The following RTL4 variants were observed in gnomAD, a reference collection of about 807,000 sequenced individuals.
RTL4 encodes the protein retrotransposon Gag-like protein 4.
In RTL4, 4 loss-of-function variants were observed where a neutral mutation model predicts 5.3. The observed-to-expected ratio is 0.75, with a 90% CI of 0.37 to 1.72. RTL4 has a LOEUF of 1.72. Ranked by LOEUF, RTL4 falls within the 40% of genes most tolerant of loss-of-function variation. The pLI is 0.04. For missense variants in RTL4, 260 were observed against 227.1 expected (o/e 1.14, Z -0.93); for synonymous variants, 98 against 87.3 (o/e 1.12, Z -0.68).
At chrX:112,304,044 A>G in the RTL4 span, among the ~76,000 whole-genome samples, 3 of 109,768 alleles carry the variant, frequency 2.7e-5, no homozygotes, top group Admixed American at 9.8e-5. Flanking sequence ...CTCTTTTTTG[A>G]GCGTGGCCAT....
the RTL4 span, among the ~76,000 whole-genome samples, chrX:112,299,177 T>C: frequency 9.0e-6 from 1 of 111,625 alleles, no homozygotes; most frequent in Admixed American, 9.5e-5. Context: ...GCAAATGCGC[T>C]GAGCTATTGA....
the RTL4 span, among the ~76,000 whole-genome samples, chrX:112,238,952 C>T: frequency 8.9e-6 from 1 of 111,977 alleles, no homozygotes; most frequent in Admixed American, 9.5e-5. Context: ...TCTTCTGCCA[C>T]AGCCTCCCAT....
the RTL4 span, among the ~76,000 whole-genome samples, chrX:112,350,712 A>T: frequency 9.0e-6 from 1 of 110,770 alleles, no homozygotes; most frequent in Non-Finnish European, 1.9e-5. Flanking sequence ...CGGTGGTGAT[A>T]TCCCCTTTGT....
the RTL4 span, among the ~76,000 whole-genome samples, chrX:112,262,517 T>C: frequency 2.7e-5 from 3 of 111,940 alleles, no homozygotes; most frequent in African/African-American, 9.7e-5. Context: ...CCAGTTACAA[T>C]GGCGATTATT....
the RTL4 span, among the ~76,000 whole-genome samples, chrX:112,358,433 A>AT: frequency 1.8e-5 from 2 of 111,591 alleles, no homozygotes; most frequent in South Asian, 7.5e-4. Context: ...GTCAAAGTCA[A>AT]TTTGCCATTT....
the RTL4 span, among the ~76,000 whole-genome samples, chrX:112,204,208 G>A: frequency 3.6e-5 from 4 of 112,305 alleles, no homozygotes; most frequent in Non-Finnish European, 5.6e-5. Flanking sequence ...AAAAGGGAAC[G>A]CTTGCGCACT....
exon 1 of RTL4, chrX:112,454,792 A>T: frequency 1.7e-6 from 2 of 1,208,842 alleles, no homozygotes; most frequent in Non-Finnish European, 2.2e-6. Context: ...TCAGGCAGAG[A>T]ATCTGATTCT....
chrX:112,328,106 C>A, the RTL4 span, among the ~76,000 whole-genome samples: 1 of 108,359 alleles, frequency 9.2e-6, no homozygotes, highest in Non-Finnish European at 1.9e-5. Context: ...AACTAACGAG[C>A]AAAATACCCA....
At chrX:112,283,390 A>G in the RTL4 span, among the ~76,000 whole-genome samples, 1 of 111,647 alleles carries the variant, frequency 9.0e-6, no homozygotes, top group Non-Finnish European at 1.9e-5. Flanking sequence ...CTCCAGTACC[A>G]GTGCCAGAGA....
At chrX:112,259,840 A>G in the RTL4 span, among the ~76,000 whole-genome samples, 1 of 111,588 alleles carries the variant, frequency 9.0e-6, no homozygotes, top group Non-Finnish European at 1.9e-5. Context: ...AGCATAATAT[A>G]TTTTCTTCAT....
At chrX:112,091,942 G>T in the RTL4 span, among the ~76,000 whole-genome samples, 2 of 111,301 alleles carry the variant, frequency 1.8e-5, no homozygotes, top group Non-Finnish European at 1.9e-5. Flanking sequence ...CTGTTTTCTT[G>T]ATTAATTGAC....
At chrX:112,310,369 C>CATATATAT in the RTL4 span, among the ~76,000 whole-genome samples, 8 of 4,357 alleles carry the variant, frequency 1.8e-3, no homozygotes, top group African/African-American at 2.4e-3. Context: ...CACCTTTATA[C>CATATATAT]ATATATATAT....
the RTL4 span, among the ~76,000 whole-genome samples, chrX:112,185,159 TC>T: frequency 9.1e-6 from 1 of 109,838 alleles, no homozygotes; most frequent in Non-Finnish European, 1.9e-5. Flanking sequence ...GTTTCTTGAT[TC>T]CCAATCTAGT....
the RTL4 span, among the ~76,000 whole-genome samples, chrX:112,375,447 A>G: frequency 9.0e-6 from 1 of 111,275 alleles, no homozygotes; most frequent in East Asian, 2.8e-4. Flanking sequence ...TGAGTTCAGA[A>G]AGAACTGGGC....
At chrX:112,404,552 G>C in the RTL4 span, among the ~76,000 whole-genome samples, 1 of 112,255 alleles carries the variant, frequency 8.9e-6, no homozygotes, top group African/African-American at 3.2e-5. Context: ...GGCTGTAACA[G>C]AAGAAGCCAG....
chrX:112,249,398 A>T, the RTL4 span, among the ~76,000 whole-genome samples: 1 of 110,691 alleles, frequency 9.0e-6, no homozygotes, highest in Non-Finnish European at 1.9e-5. Flanking sequence ...GGCTAATTTT[A>T]TGTGTCAACT....
chrX:112,317,855 C>T, the RTL4 span, among the ~76,000 whole-genome samples: 2 of 111,597 alleles, frequency 1.8e-5, no homozygotes, highest in African/African-American at 6.5e-5. Context: ...GATTCCAAAG[C>T]TTATGCCCTT....
At chrX:112,211,860 G>C in the RTL4 span, among the ~76,000 whole-genome samples, 1 of 111,989 alleles carries the variant, frequency 8.9e-6, no homozygotes, top group Non-Finnish European at 1.9e-5. Flanking sequence ...GTTTAGTTGG[G>C]GAATGATGAA....
At chrX:112,150,658 G>T in the RTL4 span, among the ~76,000 whole-genome samples, 1 of 111,637 alleles carries the variant, frequency 9.0e-6, no homozygotes, top group Non-Finnish European at 1.9e-5. Flanking sequence ...ATTTAGAAAA[G>T]CACCTATGGA....
Sources: gnomAD v4.1 joint callset for allele counts (sites outside exome capture counted in the v4.1 genomes callset) on GRCh38, gnomAD v4.1.1 for gene constraint, MANE v1.5 for transcripts, NCBI Gene and HGNC (gene_info 2026-07-23, HGNC 2026-07-21) for gene names.